CYFIP1: variants seen among roughly 807,000 people sequenced by gnomAD.
CYFIP1 encodes the protein cytoplasmic FMR1 interacting protein 1, also known as cytoplasmic FMR1-interacting protein 1.
In CYFIP1, 58 loss-of-function variants were observed where a neutral mutation model predicts 163.5. The ratio of observed to expected loss-of-function variants is 0.35; its 90% CI spans 0.29 to 0.44. CYFIP1 has a LOEUF of 0.44. CYFIP1 is among the 20% of genes least tolerant of loss of function. The pLI, the probability that CYFIP1 is intolerant of heterozygous loss-of-function variation, is 1.00. For missense variants in CYFIP1, 1,338 were observed against 1,653.8 expected, an observed-to-expected ratio of 0.81 and a Z score of 3.31; for synonymous variants, 663 against 660.7, an observed-to-expected ratio of 1.00 and a Z score of -0.05.
At chr15:22,933,709 T>C in intron 10 of CYFIP1, 93 bp downstream of exon 10, 1 of 870,380 alleles carries the variant, frequency 1.1e-6, no homozygotes, top group Non-Finnish European at 1.9e-6. Flanking sequence ...ATGTTAACAG[T>C]GTTATCTCTA....
intron 11 of CYFIP1, among the ~76,000 whole-genome samples, chr15:22,929,331 G>T (rs944974197): frequency 1.3e-5 from 2 of 151,856 alleles, no homozygotes; most frequent in African/African-American, 4.8e-5. Flanking sequence ...TGCTGGCATT[G>T]CTCTTTTAAG....
rs555888878 is a variant in CYFIP1, at chr15:22,879,620, A to G, written c.3042+293T>C. ...CCTGCGCAGCAATGCCTTATACCTT[A>G]CAGGCACACCAAATATGTTCATTTA... On this transcript the variant is annotated intron_variant, in intron 26 of 30. Transcript: ENST00000617928. Among the ~76,000 whole-genome samples the G allele has an allele frequency of 2.0e-5, 3 of 150,912 alleles. No individual in the cohort carries two copies. The East Asian group carries it at 5.8e-4, about 29-fold the overall frequency.
intron 1 of CYFIP1, among the ~76,000 whole-genome samples, chr15:22,948,590 G>A (rs147270405): frequency 1.6e-4 from 25 of 152,226 alleles, no homozygotes; most frequent in Non-Finnish European, 3.4e-4. Flanking sequence ...GGAACGTATG[G>A]GCTCCTACAG....
At position 22,867,186 on chromosome 15, in the gene CYFIP1, C is replaced by CATT. The variant is rs2141712308; in HGVS notation, c.*2839_*2841dup. 3 of 435,396 alleles carry CATT rather than the reference C, an allele frequency of 6.9e-6. No individual in the cohort carries two copies. The highest frequency in any genetic ancestry group is 7.6e-5 in the South Asian group (1 of 13,196). The allele number at this position is 435,396 out of a possible 1,614,324, so 27.0% of individuals were successfully genotyped here. On this transcript the variant is annotated 3_prime_UTR_variant, in exon 31 of 31. Coordinates refer to ENST00000617928, the MANE Select transcript of CYFIP1 (RefSeq NM_014608.6). The stretch of plus-strand genomic sequence containing the variant: ...ATTGGTGATGAAAGTCTGAAATGTG[C>CATT]ATTTGTCATCCCCACTCCATCAATC...
intron 1 of CYFIP1, 165 bp from the exon 2 acceptor site, chr15:22,947,456 A>C: frequency 5.3e-6 from 5 of 941,698 alleles, no homozygotes; most frequent in Non-Finnish European, 7.7e-6. Context: ...TGTCTCTCTC[A>C]GGGCACGTGG....
At chr15:22,949,181 C>T (rs924319370) in intron 1 of CYFIP1, among the ~76,000 whole-genome samples, 4 of 152,220 alleles carry the variant, frequency 2.6e-5, no homozygotes, top group Admixed American at 6.5e-5. Flanking sequence ...GGAGAAATGA[C>T]GCTCAGCAGA....
intron 23 of CYFIP1, among the ~76,000 whole-genome samples, chr15:22,890,911 C>T (rs1434210090): frequency 6.6e-6 from 1 of 152,188 alleles, no homozygotes; most frequent in Non-Finnish European, 1.5e-5. Flanking sequence ...GTCCCATGTT[C>T]TCCAGGCATT....
At position 22,867,200 on chromosome 15, in the gene CYFIP1, A is replaced by T; in HGVS notation, c.*2828T>A. The T allele has an allele frequency of 2.4e-6, 1 of 422,164 alleles. No individual in the cohort carries two copies. Among genetic ancestry groups the T allele is most frequent in the Non-Finnish European group, 4.2e-6 (1 of 240,756 alleles). The allele number at this position is 422,164 out of a possible 1,614,324, so 26.2% of individuals were successfully genotyped here. A position where few individuals can be genotyped will look rare whatever the true frequency, so the allele number is the denominator to read the frequency against. On this transcript the variant is annotated 3_prime_UTR_variant, in exon 31 of 31. Coordinates refer to ENST00000617928, the MANE Select transcript of CYFIP1 (RefSeq NM_014608.6). ...TCTGAAATGTGCATTTGTCATCCCC[A>T]CTCCATCAATCCCTGACCATGTAAG...
chr15:22,897,105 C>T (rs1257813943), intron 22 of CYFIP1, among the ~76,000 whole-genome samples: 1 of 151,822 alleles, frequency 6.6e-6, no homozygotes, highest in Non-Finnish European at 1.5e-5. Context: ...CTCAGGTACT[C>T]GGGAGGCTGA....
chr15:22,891,042 C>G (rs951901753), intron 23 of CYFIP1, among the ~76,000 whole-genome samples: 1 of 152,024 alleles, frequency 6.6e-6, no homozygotes, highest in Admixed American at 6.6e-5. Context: ...CAAGAACCCA[C>G]TTCCTTCAAA....
At chr15:22,916,058 T>G (rs1381706242) in intron 16 of CYFIP1, among the ~76,000 whole-genome samples, 4 of 152,082 alleles carry the variant, frequency 2.6e-5, no homozygotes, top group Non-Finnish European at 4.4e-5. Context: ...CACCCACCGG[T>G]GGCCGGTCAA....
chr15:22,973,221 G>A (rs1236160510), intron 1 of CYFIP1, among the ~76,000 whole-genome samples: 1 of 151,434 alleles, frequency 6.6e-6, no homozygotes, highest in African/African-American at 2.4e-5. Context: ...GGCTGAGGTG[G>A]GAGAATTGCT....
In CYFIP1 at chr15:22,947,089, T is replaced by C; in HGVS notation, c.121A>G (p.Asn41Asp). ...CTGTCTTCAAAGTTAGTGTTGAAAT[T>C]TGGCTGAAGGAAAGGAAGAGAAAAA... ...PPPSSLLYQPNFNTNFEDRNA... is the reference protein window; with the variant it reads ...PPPSSLLYQPDFNTNFEDRNA... The change falls in exon 3 of 31, where the codon AAT becomes GAT. Residue 41 changes from asparagine to aspartate, a missense_variant. Physicochemically the swap from Asn to Asp is conservative, Grantham distance 23 (BLOSUM62 1). Coordinates refer to ENST00000617928, the MANE Select transcript of CYFIP1 (RefSeq NM_014608.6). The C allele has an allele frequency of 6.2e-7, 1 of 1,614,122 alleles. No individual in the cohort carries two copies. Among genetic ancestry groups the C allele is most frequent in the Non-Finnish European group, 8.5e-7 (1 of 1,179,992 alleles).
In CYFIP1 at chr15:22,873,574, G is replaced by A. The variant is rs140215868; in HGVS notation, c.3366C>T (p.Asp1122=). The stretch of plus-strand genomic sequence containing the variant: ...ACAGTCTGTGAAACTCCACACACTC[G>A]TCCACATGCATGACCCCATTGCTGG... ...PLPSNGVMHV[D]ECVEFHRLWS... is the part of the protein sequence containing the mutation. Residue 1122 remains aspartate (D), a synonymous_variant, in exon 29 of 31, where the codon GAC becomes GAT. Coordinates refer to ENST00000617928, the MANE Select transcript of CYFIP1 (RefSeq NM_014608.6). 2.1e-4 allele frequency: 345 copies of A among 1,614,220 alleles called. No individual in the cohort carries two copies. The highest frequency in any genetic ancestry group is 2.8e-4 in the Non-Finnish European group (330 of 1,180,038).
In CYFIP1 at chr15:22,939,250, A is replaced by G. The variant is rs1404692448; in HGVS notation, c.737T>C (p.Val246Ala). 6.2e-7 allele frequency: 1 copy of G among 1,614,208 alleles called. No homozygotes were observed. ...ATACATCCTGTTCTCGTAGTAATCC[A>G]CACACAGATTCACAATATCTGCCAG... ...ELLADIVNLC[V>A]DYYENRMYLT... The change falls in exon 8 of 31, where the codon GTG (valine) becomes GCG (alanine). Residue 246 changes from valine (V) to alanine (A), a missense_variant. Transcript: ENST00000617928.
chr15:22,919,158 G>GA (rs1027963100), intron 13 of CYFIP1, among the ~76,000 whole-genome samples: 3 of 152,124 alleles, frequency 2.0e-5, no homozygotes, highest in African/African-American at 4.8e-5. Context: ...TAGGAAAGAA[G>GA]AAAAAGACTC....
intron 13 of CYFIP1, among the ~76,000 whole-genome samples, chr15:22,921,245 G>A (rs35284374): frequency 1.1e-4 from 16 of 152,130 alleles, no homozygotes; most frequent in Non-Finnish European, 2.2e-4. Context: ...GTGCACACCT[G>A]TAGTCCCAGC....
intron 1 of CYFIP1, among the ~76,000 whole-genome samples, chr15:22,964,741 C>T (rs539044304): frequency 3.9e-4 from 60 of 152,262 alleles, no homozygotes; most frequent in Non-Finnish European, 7.8e-4. Flanking sequence ...TCTTTAGAGA[C>T]GGCGAAATTG....
chr15:22,932,246 G>A lies in CYFIP1; in HGVS notation c.1087C>T (p.Leu363=). The change falls in exon 11 of 31, where the codon CTG becomes TTG. Residue 363 remains leucine (L), a synonymous_variant. Transcript: ENST00000617928. ...REDHMRFISE[L]ARYSNSEVVT... Reference sequence around the variant, plus strand: ...ACCTCGCTGTTGCTGTAGCGCGCCAGCTCCGAAATGAAGCGCATGTGGTCC... The same window carrying A: ...ACCTCGCTGTTGCTGTAGCGCGCCAACTCCGAAATGAAGCGCATGTGGTCC... 6.2e-7 allele frequency: 1 copy of A among 1,612,258 alleles called. No individual in the cohort carries two copies.
Sources: gnomAD v4.1 joint callset for allele counts (sites outside exome capture counted in the v4.1 genomes callset) on GRCh38, gnomAD v4.1.1 for gene constraint, MANE v1.5 for transcripts, NCBI Gene and HGNC (gene_info 2026-07-23, HGNC 2026-07-21) for gene names.